The following GNB1 variants were observed in gnomAD, a reference collection of about 807,000 sequenced individuals.
GNB1 encodes the protein guanine nucleotide-binding protein G(I)/G(S)/G(T) subunit beta-1.
In GNB1, 2 loss-of-function variants were observed where a neutral mutation model predicts 42.9. That is an observed-to-expected ratio of 0.05 (90% CI 0.02 to 0.15). The LOEUF (loss-of-function observed/expected upper bound fraction) is 0.15, where lower values mean the gene tolerates loss of function less well. GNB1 is among the 10% of genes least tolerant of loss of function. GNB1 has a pLI of 1.00. For synonymous variants in GNB1, 183 were observed against 174.7 expected, an observed-to-expected ratio of 1.05 and a Z score of -0.38; for missense variants, 193 against 462.2, an observed-to-expected ratio of 0.42 and a Z score of 5.34.
At chr1:1,855,890 G>C (rs772236023) in intron 1 of GNB1, among the ~76,000 whole-genome samples, 2 of 152,256 alleles carry the variant, frequency 1.3e-5, no homozygotes, top group Non-Finnish European at 2.9e-5. Context: ...TAACCTAAGA[G>C]TGAAGTTGAC....
chr1:1,832,695 G>C (rs994218814), intron 2 of GNB1, among the ~76,000 whole-genome samples: 2 of 152,118 alleles, frequency 1.3e-5, no homozygotes, highest in Non-Finnish European at 2.9e-5. Flanking sequence ...GTCTAGGAGG[G>C]GCACCTCAGC....
At chr1:1,804,321 A>G in intron 7 of GNB1, 98 bp downstream of exon 7, 1 of 795,510 alleles carries the variant, frequency 1.3e-6, no homozygotes, top group Non-Finnish European at 2.0e-6. Flanking sequence ...TAATTAATTA[A>G]TTAAAAAATG....
chr1:1,872,938 A>T (rs1347252256), intron 1 of GNB1, among the ~76,000 whole-genome samples: 1 of 152,224 alleles, frequency 6.6e-6, no homozygotes, highest in Admixed American at 6.5e-5. Flanking sequence ...TAAAGCAGGA[A>T]GTTCTTGAGG....
intron 5 of GNB1, among the ~76,000 whole-genome samples, chr1:1,808,384 A>T (rs1646730875): frequency 6.6e-6 from 1 of 152,114 alleles, no homozygotes; most frequent in African/African-American, 2.4e-5. Flanking sequence ...GGAGCTCCAT[A>T]CTACAAAGGA....
intron 3 of GNB1, among the ~76,000 whole-genome samples, chr1:1,818,882 A>G (rs1316968724): frequency 6.6e-6 from 1 of 152,004 alleles, no homozygotes; most frequent in Non-Finnish European, 1.5e-5. Flanking sequence ...AAAAATAATA[A>G]TAAAATAAAA....
chr1:1,833,876 C>T (rs1017103414), intron 2 of GNB1, among the ~76,000 whole-genome samples: 6 of 152,008 alleles, frequency 3.9e-5, no homozygotes, highest in Non-Finnish European at 5.9e-5. Context: ...GTAATCTTAA[C>T]GAAAAAGTGA....
chr1:1,845,707 C>A (rs755421497), intron 1 of GNB1, among the ~76,000 whole-genome samples: 11 of 152,016 alleles, frequency 7.2e-5, no homozygotes, highest in African/African-American at 2.4e-4. Context: ...AGAAGGGAGG[C>A]ACAACACGGA....
intron 1 of GNB1, among the ~76,000 whole-genome samples, chr1:1,860,860 C>T (rs1648583590): frequency 6.6e-6 from 1 of 152,040 alleles, no homozygotes; most frequent in African/African-American, 2.4e-5. Context: ...TGGGAACTGA[C>T]ACTTTGGGAG....
rs1646425901 is a variant in GNB1, at chr1:1,787,768, A to G, written c.917-331T>C. Among the ~76,000 whole-genome samples the G allele has an allele frequency of 6.6e-6, 1 of 152,216 alleles. No homozygotes were observed. The highest frequency in any genetic ancestry group is 2.1e-4 in the South Asian group (1 of 4,834). ...AAACTATCATCAGACGCAGTGGCTT[A>G]GGCCTGTAATCCCAGCACGTTGGAA... On this transcript the variant is annotated intron_variant, in intron 10 of 11. Transcript: ENST00000378609. The surrounding 1 kb of genome is among the most constrained non-coding windows in gnomAD (Gnocchi z 4.4).
rs559284368 is a variant in GNB1 at position 1,856,045 on chromosome 1, G to C, written c.-95-16807C>G. On this transcript the variant is annotated intron_variant, in intron 1 of 11. Coordinates refer to ENST00000378609, the MANE Select transcript of GNB1 (RefSeq NM_002074.5). Reference sequence around the variant, plus strand: ...ACTTTCTTCTTCTTCTTTAAGAGATGGCGATCTTGCTCTGTGACCCAGGCT... The same window carrying C: ...ACTTTCTTCTTCTTCTTTAAGAGATCGCGATCTTGCTCTGTGACCCAGGCT... Among the ~76,000 whole-genome samples the C allele has an allele frequency of 3.9e-5, 6 of 152,312 alleles. No individual in the cohort carries two copies. The East Asian group carries it at 1.2e-3, about 29-fold the overall frequency.
chr1:1,890,135 G>A (rs969518321), intron 1 of GNB1, among the ~76,000 whole-genome samples: 2 of 152,064 alleles, frequency 1.3e-5, no homozygotes, highest in African/African-American at 4.8e-5. Context: ...GGGCGCCAGC[G>A]CCGGACAGAC....
At chr1:1,865,289 C>CCAAAAAAAAAA (rs1648868969) in intron 1 of GNB1, among the ~76,000 whole-genome samples, 1 of 137,266 alleles carries the variant, frequency 7.3e-6, no homozygotes, top group African/African-American at 2.7e-5. Flanking sequence ...CAAAAAAAAA[C>CCAAAAAAAAAA]CAAAAAAAAA....
chr1:1,870,629 G>A (rs928173117), intron 1 of GNB1, among the ~76,000 whole-genome samples: 1 of 152,188 alleles, frequency 6.6e-6, no homozygotes, highest in African/African-American at 2.4e-5. Context: ...ATTACAGTAA[G>A]AATAATCATC....
chr1:1,848,941 T>C (rs780268842), intron 1 of GNB1, among the ~76,000 whole-genome samples: 9 of 152,246 alleles, frequency 5.9e-5, no homozygotes, highest in Admixed American at 1.3e-4. Flanking sequence ...TCCGGAGTGA[T>C]AGGCATGTCT....
intron 2 of GNB1, among the ~76,000 whole-genome samples, chr1:1,838,355 A>G (rs1352524598): frequency 6.6e-6 from 1 of 152,204 alleles, no homozygotes; most frequent in Admixed American, 6.5e-5. Context: ...ACTCACTACG[A>G]ACATGGCTTC....
chr1:1,865,413 C>T (rs956776506), intron 1 of GNB1, among the ~76,000 whole-genome samples: 20 of 151,236 alleles, frequency 1.3e-4, no homozygotes, highest in African/African-American at 4.9e-4. Context: ...GGTGAAACCC[C>T]ATCTCTACTA....
chr1:1,887,512 A>T (rs1478872431), intron 1 of GNB1, among the ~76,000 whole-genome samples: 3 of 152,258 alleles, frequency 2.0e-5, no homozygotes, highest in African/African-American at 7.2e-5. Context: ...ATAGTACAAC[A>T]TCTCCTTTGA....
At chr1:1,805,742 A>C (rs1055046568) in intron 6 of GNB1, among the ~76,000 whole-genome samples, 1 of 151,986 alleles carries the variant, frequency 6.6e-6, no homozygotes, top group Admixed American at 6.6e-5. Flanking sequence ...AGGTTTCACC[A>C]TGTTGGCTAG....
At position 1,815,908 on chromosome 1, in the gene GNB1, G is replaced by A. The variant is rs777058151; in HGVS notation, c.97-46C>T. 56 of 1,151,342 alleles carry A rather than the reference G, an allele frequency of 4.9e-5. 1 individual carries two copies. Among genetic ancestry groups the A allele is most frequent in the Admixed American group, 1.6e-4 (9 of 55,662 alleles). 71.3% of individuals were successfully genotyped at this position (1,151,342 alleles called of 1,614,324 possible). A position where few individuals can be genotyped will look rare whatever the true frequency, so the allele number is the denominator to read the frequency against. On this transcript the variant is annotated intron_variant, in intron 4 of 11. Coordinates refer to ENST00000378609, the MANE Select transcript of GNB1 (RefSeq NM_002074.5). ...TGTAAATCAACATCTGTGATTAAACGATTCTCCTCATCACCCATCCTTGTC... is the reference window on the plus strand; with the variant it reads ...TGTAAATCAACATCTGTGATTAAACAATTCTCCTCATCACCCATCCTTGTC...
Sources: allele counts gnomAD v4.1 joint callset (sites outside exome capture counted in the v4.1 genomes callset), GRCh38; gene constraint gnomAD v4.1.1; non-coding constraint Gnocchi (gnomAD v3.1); transcripts MANE v1.5; gene names NCBI Gene and HGNC (gene_info 2026-07-23, HGNC 2026-07-21).